Variants in NR3C1 observed in about 807,000 individuals in gnomAD.
The protein encoded by NR3C1 is nuclear receptor subfamily 3 group C member 1, also known as glucocorticoid receptor.
In NR3C1, 14 loss-of-function variants were observed where a neutral mutation model predicts 74.0. That is an observed-to-expected ratio of 0.19 (90% CI 0.12 to 0.30). NR3C1 has a LOEUF of 0.30. NR3C1 is among the 10% of genes least tolerant of loss of function. The pLI, the probability that NR3C1 is intolerant of heterozygous loss-of-function variation, is 1.00. For synonymous variants in NR3C1, 308 were observed against 332.5 expected (o/e 0.93, Z 0.80); for missense variants, 695 against 909.8 (o/e 0.76, Z 3.04).
At chr5:143,430,742 T>C (rs1751776893) in intron 1 of NR3C1, among the ~76,000 whole-genome samples, 1 of 152,168 alleles carries the variant, frequency 6.6e-6, no homozygotes, top group Non-Finnish European at 1.5e-5. Context: ...GCCTCCAGAC[T>C]GTGAGAAATA....
rs768587936 is a variant in NR3C1 at position 143,300,573 on chromosome 5, T to C, written c.1659A>G (p.Pro553=). The change falls in exon 5 of 9, where the codon CCA becomes CCG. Residue 553 remains proline (P), a synonymous_variant. Coordinates refer to ENST00000394464, the MANE Select transcript of NR3C1 (RefSeq NM_000176.3). This position sits in a 1 kb window ranked among gnomAD's most constrained non-coding sequence, Gnocchi z 5.2. ...VLYAGYDSSV[P]DSTWRIMTTL... ...TAGTCATGATCCTCCAAGTTGAGTC[T>C]GGAACAGAGCTATCATATCCTGCAT... The C allele has an allele frequency of 6.2e-7, 1 of 1,614,202 alleles. No homozygotes were observed. Among genetic ancestry groups the C allele is most frequent in the Non-Finnish European group, 8.5e-7 (1 of 1,180,016 alleles).
At chr5:143,373,828 T>G (rs1175868942) in intron 2 of NR3C1, among the ~76,000 whole-genome samples, 3 of 152,118 alleles carry the variant, frequency 2.0e-5, no homozygotes, top group Non-Finnish European at 4.4e-5. Context: ...CCAAAGGGAA[T>G]AGCAATGAGC....
chr5:143,375,543 G>A lies in NR3C1; in HGVS notation c.1184+24113C>T, dbSNP rs535975206. The A allele has an allele frequency of 3.3e-5, 5 of 152,298 alleles. No homozygotes were observed. In the East Asian group the frequency reaches 7.7e-4, roughly 23 times the overall value. 9.4% of individuals were successfully genotyped at this position (152,298 alleles called of 1,614,324 possible). Reference sequence around the variant, plus strand: ...GATACATTTTTAAGAGACATAATTCGTATGTACGCATATCACACACATTCA... The same window carrying A: ...GATACATTTTTAAGAGACATAATTCATATGTACGCATATCACACACATTCA... On this transcript the variant is annotated intron_variant, in intron 2 of 8. Transcript: ENST00000394464.
At chr5:143,356,317 T>G (rs1456655449) in intron 2 of NR3C1, among the ~76,000 whole-genome samples, 1 of 152,084 alleles carries the variant, frequency 6.6e-6, no homozygotes, top group Non-Finnish European at 1.5e-5. Flanking sequence ...AATAACCAAT[T>G]TTTAGCATAA....
chr5:143,322,601 T>G (rs560251854), intron 2 of NR3C1, among the ~76,000 whole-genome samples: 2 of 152,204 alleles, frequency 1.3e-5, no homozygotes, highest in Non-Finnish European at 2.9e-5. Context: ...TTCCTCAAAC[T>G]AACAGATATC....
upstream of NR3C1, chr5:143,403,726 C>G (rs892506448): frequency 1.0e-6 from 1 of 985,056 alleles, no homozygotes; most frequent in Non-Finnish European, 1.2e-6. Context: ...CGCTCCCACT[C>G]CACCCCCGGC....
chr5:143,315,000 C>T lies in NR3C1; in HGVS notation c.1185-832G>A, dbSNP rs543510688. Among the ~76,000 whole-genome samples the T allele has an allele frequency of 1.7e-3, 252 of 152,176 alleles. 1 individual carries two copies. Among genetic ancestry groups the T allele is most frequent in the South Asian group, 2.3e-3 (11 of 4,830 alleles). ...TCTCTAACATTTTTCATAGTCTCACCACAAAGAGTGCAGGTCTAGTGATTA... is the reference window on the plus strand; with the variant it reads ...TCTCTAACATTTTTCATAGTCTCACTACAAAGAGTGCAGGTCTAGTGATTA... On this transcript the variant is annotated intron_variant, in intron 2 of 8. Coordinates refer to ENST00000394464, the MANE Select transcript of NR3C1 (RefSeq NM_000176.3).
chr5:143,285,626 C>CAAATGTTTAGAATTTGACAT (rs1191115947), intron 7 of NR3C1, among the ~76,000 whole-genome samples: 14 of 151,560 alleles, frequency 9.2e-5, no homozygotes, highest in Middle Eastern at 6.8e-3. Flanking sequence ...GAGAAAAACC[C>CAAATGTTTAGAATTTGACAT]AAATGTTTAG....
At chr5:143,406,603 T>G (rs1231386718), upstream of NR3C1, among the ~76,000 whole-genome samples, 1 of 152,182 alleles carries the variant, frequency 6.6e-6, no homozygotes, top group African/African-American at 2.4e-5. Flanking sequence ...CATTTATTGA[T>G]CCCCACTCTT....
At chr5:143,282,127 T>G (rs1228273355) in intron 8 of NR3C1, 86 bp from the exon 9 acceptor site, 1 of 1,422,544 alleles carries the variant, frequency 7.0e-7, no homozygotes, top group East Asian at 2.3e-5. Context: ...TTTGAAAAAA[T>G]TATCTGGCCT....
At chr5:143,408,799 A>G (rs2151954180) in intron 1 of NR3C1, among the ~76,000 whole-genome samples, 1 of 152,248 alleles carries the variant, frequency 6.6e-6, no homozygotes, top group African/African-American at 2.4e-5. Flanking sequence ...CAAGTTAGGG[A>G]TGTTCAATGT....
chr5:143,311,808 T>TC (rs398038870), intron 3 of NR3C1, among the ~76,000 whole-genome samples: 3 of 137,928 alleles, frequency 2.2e-5, no homozygotes, highest in African/African-American at 8.2e-5. Context: ...TTTTTTTTTT[T>TC]CCTGTAGAGA....
At chr5:143,297,075 C>CAAAAAAAAAAAAA (rs766243522) in intron 6 of NR3C1, among the ~76,000 whole-genome samples, 16 of 60,588 alleles carry the variant, frequency 2.6e-4, no homozygotes, top group East Asian at 5.1e-4. Flanking sequence ...AGACTCGTCT[C>CAAAAAAAAAAAAA]AAAAAAAAAA....
intron 2 of NR3C1, among the ~76,000 whole-genome samples, chr5:143,392,465 A>C (rs1838423923): frequency 6.6e-6 from 1 of 152,140 alleles, no homozygotes; most frequent in East Asian, 1.9e-4. Context: ...TACATGAGGA[A>C]CTAACATACC....
At chr5:143,378,609 A>T (rs1186517989) in intron 2 of NR3C1, among the ~76,000 whole-genome samples, 1 of 152,118 alleles carries the variant, frequency 6.6e-6, no homozygotes, top group Non-Finnish European at 1.5e-5. Context: ...AACATCTCTG[A>T]CTGTCTGAAT....
intron 2 of NR3C1, among the ~76,000 whole-genome samples, chr5:143,350,322 G>T (rs1376203675): frequency 6.6e-6 from 1 of 152,138 alleles, no homozygotes; most frequent in Non-Finnish European, 1.5e-5. Flanking sequence ...GGTAGGAGCA[G>T]TTAAGAATAT....
chr5:143,299,565 ATTTAC>A (rs1037508240), intron 5 of NR3C1, among the ~76,000 whole-genome samples: 4 of 152,144 alleles, frequency 2.6e-5, no homozygotes, highest in African/African-American at 9.7e-5. Context: ...GTTAACAATA[ATTTAC>A]TTTATATTTC....
intron 7 of NR3C1, among the ~76,000 whole-genome samples, chr5:143,288,382 G>A (rs547470754): frequency 1.3e-5 from 2 of 152,050 alleles, no homozygotes; most frequent in Non-Finnish European, 2.9e-5. Context: ...GCCTCCCAAC[G>A]TGCTGGAATT....
intron 1 of NR3C1, among the ~76,000 whole-genome samples, chr5:143,429,819 C>A (rs1361117450): frequency 6.6e-6 from 1 of 152,050 alleles, no homozygotes; most frequent in Non-Finnish European, 1.5e-5. Flanking sequence ...GTGGCTTATG[C>A]CTGTAATTCC....
Sources: allele counts gnomAD v4.1 joint callset (sites outside exome capture counted in the v4.1 genomes callset), GRCh38; gene constraint gnomAD v4.1.1; non-coding constraint Gnocchi (gnomAD v3.1); transcripts MANE v1.5; gene names NCBI Gene and HGNC (gene_info 2026-07-23, HGNC 2026-07-21).